Variants in PIKFYVE observed in about 807,000 individuals in gnomAD.
PIKFYVE encodes phosphoinositide kinase, FYVE-type zinc finger containing.
In PIKFYVE, 122 loss-of-function variants were observed where a neutral mutation model predicts 257.9. The observed-to-expected ratio is 0.47, with a 90% CI of 0.41 to 0.55. PIKFYVE has a LOEUF of 0.55. Among genes scored for constraint, PIKFYVE ranks in the 20% least tolerant of loss-of-function variants. The probability of loss-of-function intolerance (pLI) is 0.00; values close to 1 mark genes in which losing one functional copy is unlikely to be tolerated. For missense variants in PIKFYVE, 2,160 were observed against 2,536.6 expected (o/e 0.85, Z 3.19); for synonymous variants, 892 against 868.9 (o/e 1.03, Z -0.47).
At chr2:208,284,165 A>G (rs1057371549) in intron 5 of PIKFYVE, among the ~76,000 whole-genome samples, 1 of 152,200 alleles carries the variant, frequency 6.6e-6, no homozygotes, top group Non-Finnish European at 1.5e-5. Context: ...TAGAGTAGAA[A>G]TGAAAACTTC....
At chr2:208,346,459 CG>C (rs1160869467) in intron 34 of PIKFYVE, among the ~76,000 whole-genome samples, 2 of 152,098 alleles carry the variant, frequency 1.3e-5, no homozygotes, top group South Asian at 4.1e-4. Flanking sequence ...ATGCAAGATA[CG>C]TTTTTTTCCT....
intron 7 of PIKFYVE, among the ~76,000 whole-genome samples, chr2:208,294,608 C>T (rs1167303253): frequency 6.6e-6 from 1 of 152,134 alleles, no homozygotes; most frequent in Non-Finnish European, 1.5e-5. Context: ...GCCTGTGCCC[C>T]TGAACTGTAA....
Position 208,346,149 on chromosome 2 carries a change from T to C in PIKFYVE, c.5209+2T>C, listed in dbSNP as rs1699210475. ...CAACAGAAACAGAACCACAACCAAG[T>C]AAGATTACACATGGAGGAATATTTA... On this transcript the variant is annotated splice_donor_variant, in intron 34 of 41. Coordinates refer to ENST00000264380, the MANE Select transcript of PIKFYVE (RefSeq NM_015040.4). LOFTEE classifies it high-confidence loss of function. The C allele has an allele frequency of 6.3e-7, 1 of 1,595,678 alleles. No homozygotes were observed. Among genetic ancestry groups the C allele is most frequent in the Non-Finnish European group, 8.6e-7 (1 of 1,163,462 alleles).
rs1700110940 is a variant in PIKFYVE at position 208,355,461 on chromosome 2, T to G, written c.*156T>G. Reference sequence around the variant, plus strand: ...GTTTAGACTGTCCGTAATGGAATGGTAAAACTCCATGAATTTGCACTTTGG... The same window carrying G: ...GTTTAGACTGTCCGTAATGGAATGGGAAAACTCCATGAATTTGCACTTTGG... On this transcript the variant is annotated 3_prime_UTR_variant, in exon 42 of 42. Transcript: ENST00000264380. 1.6e-6 allele frequency: 1 copy of G among 626,784 alleles called. No homozygotes were observed. The highest frequency in any genetic ancestry group is 2.9e-5 in the Admixed American group (1 of 34,350). The allele number at this position is 626,784 out of a possible 1,614,324, so 38.8% of individuals were successfully genotyped here. A position where few individuals can be genotyped will look rare whatever the true frequency, so the allele number is the denominator to read the frequency against.
chr2:208,337,236 A>G (rs1698222201), intron 28 of PIKFYVE, among the ~76,000 whole-genome samples: 1 of 152,158 alleles, frequency 6.6e-6, no homozygotes, highest in Admixed American at 6.5e-5. Context: ...TGCTCTGAGT[A>G]TAATAGGGTG....
intron 1 of PIKFYVE, chr2:208,269,744 C>A (rs770086368): frequency 5.6e-5 from 14 of 248,468 alleles, no homozygotes; most frequent in Non-Finnish European, 1.0e-4. Context: ...AGCTTGAAGG[C>A]CACCTTGAAC....
Position 208,273,644 on chromosome 2 carries a change from A to T in PIKFYVE, c.233A>T (p.Gln78Leu), listed in dbSNP as rs115513638. 7.1e-4 allele frequency: 1,152 copies of T among 1,614,150 alleles called. 14 individuals carry two copies. In the African/African-American group the frequency reaches 0.014, roughly 19 times the overall value. The change falls in exon 3 of 42, where the codon CAG becomes CTG. Residue 78 changes from glutamine to leucine, a missense_variant. This residue lies in a region of PIKFYVE where 172 missense variants were observed against 180.6 expected (regional missense o/e 0.95). Coordinates refer to ENST00000264380, the MANE Select transcript of PIKFYVE (RefSeq NM_015040.4). ...QPLSGSWTSP[Q>L]LPSRTQSVRS... is the part of the protein sequence containing the mutation. Reference sequence around the variant, plus strand: ...TTGAGTGGAAGTTGGACCAGCCCTCAGCTCCCTTCGAGGACACAGTCTGTT... The same window carrying T: ...TTGAGTGGAAGTTGGACCAGCCCTCTGCTCCCTTCGAGGACACAGTCTGTT...
intron 23 of PIKFYVE, among the ~76,000 whole-genome samples, chr2:208,331,071 G>A (rs1224147839): frequency 6.6e-6 from 1 of 152,128 alleles, no homozygotes; most frequent in Non-Finnish European, 1.5e-5. Context: ...TTCTCTAGGG[G>A]AGGAGACAGA....
intron 15 of PIKFYVE, 129 bp from the exon 16 acceptor site, chr2:208,317,738 C>A: frequency 1.2e-6 from 1 of 845,240 alleles, no homozygotes. Flanking sequence ...GTATTATTTC[C>A]TGAAATTTTT....
At chr2:208,278,822 G>A (rs1690440785) in intron 5 of PIKFYVE, among the ~76,000 whole-genome samples, 1 of 152,102 alleles carries the variant, frequency 6.6e-6, no homozygotes, top group South Asian at 2.1e-4. Flanking sequence ...TGGCACCCAG[G>A]TTGATTCTGT....
intron 27 of PIKFYVE, among the ~76,000 whole-genome samples, chr2:208,336,434 C>T (rs1698146208): frequency 6.6e-6 from 1 of 151,996 alleles, no homozygotes; most frequent in Non-Finnish European, 1.5e-5. Context: ...GATGCTGTTT[C>T]TAATATAATT....
chr2:208,355,131 T>A, intron 41 of PIKFYVE, 59 bp from the exon 42 acceptor site: 1 of 1,309,458 alleles, frequency 7.6e-7, no homozygotes, highest in Non-Finnish European at 1.1e-6. Flanking sequence ...TCAGTTGACT[T>A]CAGTTGCCCA....
At position 208,317,859 on chromosome 2, in the gene PIKFYVE, TCCATTAGATC is replaced by T; in HGVS notation, c.2008-4_2013del. On this transcript the variant is annotated splice_acceptor_variant and splice_polypyrimidine_tract_variant and coding_sequence_variant and intron_variant, in exon 16 of 42. Transcript: ENST00000264380. LOFTEE classifies it high-confidence loss of function. The stretch of plus-strand genomic sequence containing the variant: ...TGAATTTTATTGTTTTCTTAATTGT[TCCATTAGATC>T]CCAGGTGGAAAGAAGTTTGATTCTG... 1.2e-6 allele frequency: 2 copies of T among 1,606,810 alleles called. No individual in the cohort carries two copies. Among genetic ancestry groups the T allele is most frequent in the Non-Finnish European group, 1.7e-6 (2 of 1,173,298 alleles).
Position 208,329,902 on chromosome 2 carries a change from A to G in PIKFYVE, c.3780A>G (p.Arg1260=). ...TTACATTAGGAATATTTTTAGAGAG[A>G]TACTGTTTCAGGTAAGAACATATTT... ...NDLTLGIFLE[R]YCFRPSYQCP... Residue 1260 remains arginine, a synonymous_variant, in exon 22 of 42, where the codon AGA becomes AGG. Transcript: ENST00000264380. 18 of 1,610,626 alleles carry G rather than the reference A, an allele frequency of 1.1e-5. No individual in the cohort carries two copies. The highest frequency in any genetic ancestry group is 2.7e-5 in the African/African-American group (2 of 74,964).
intron 12 of PIKFYVE, among the ~76,000 whole-genome samples, chr2:208,308,871 C>A (rs1201411801): frequency 1.3e-5 from 2 of 152,088 alleles, no homozygotes; most frequent in African/African-American, 2.4e-5. Context: ...CCATGCCCGG[C>A]TAATTTTTGT....
intron 21 of PIKFYVE, among the ~76,000 whole-genome samples, chr2:208,328,675 A>G (rs1697205897): frequency 1.3e-5 from 2 of 152,338 alleles, no homozygotes; most frequent in East Asian, 3.9e-4. Flanking sequence ...TTTGTGTTTC[A>G]TATACACCTT....
intron 20 of PIKFYVE, among the ~76,000 whole-genome samples, chr2:208,326,921 C>G (rs1443669701): frequency 4.6e-5 from 7 of 151,956 alleles, no homozygotes; most frequent in Admixed American, 1.3e-4. Context: ...TCTTTTTAGG[C>G]ATAAATTGAG....
chr2:208,337,272 T>G (rs1698225955), intron 28 of PIKFYVE, among the ~76,000 whole-genome samples: 1 of 152,082 alleles, frequency 6.6e-6, no homozygotes, highest in Non-Finnish European at 1.5e-5. Context: ...CTCCGCAGTT[T>G]TGGTTGTTTT....
intron 7 of PIKFYVE, among the ~76,000 whole-genome samples, chr2:208,295,183 G>A (rs1208395334): frequency 6.6e-6 from 1 of 152,218 alleles, no homozygotes; most frequent in Non-Finnish European, 1.5e-5. Flanking sequence ...ATGGACCTAA[G>A]AACAGTTGAT....
Sources: allele counts gnomAD v4.1 joint callset (sites outside exome capture counted in the v4.1 genomes callset), GRCh38; gene constraint gnomAD v4.1.1; regional missense constraint gnomAD v4.1.1; transcripts MANE v1.5; gene names NCBI Gene and HGNC (gene_info 2026-07-23, HGNC 2026-07-21).